The following MYL12A variants were observed in gnomAD, a reference collection of about 807,000 sequenced individuals.
MYL12A encodes myosin light chain 12A, also known as myosin regulatory light chain 12A.
MYL12A carries 11 observed loss-of-function variants against 13.3 expected under a neutral mutation model. That is an observed-to-expected ratio of 0.83 (90% CI 0.52 to 1.37). MYL12A has a LOEUF of 1.37. Ranked by LOEUF, MYL12A falls within the 40% of genes most tolerant of loss-of-function variation. The pLI is 0.00. For synonymous variants in MYL12A, 51 were observed against 69.9 expected (o/e 0.73, Z 1.35); for missense variants, 146 against 212.3 (o/e 0.69, Z 1.94).
rs2081493529 is a variant in MYL12A, at chr18:3,252,259, G to T, written c.-15-974G>T. On this transcript the variant is annotated intron_variant, in intron 1 of 3. Coordinates refer to ENST00000217652, the MANE Select transcript of MYL12A (RefSeq NM_006471.4). ...CCTGCTTGGAAGAATATAACTCAAT[G>T]CAGTGTCTTACTTTTGCTGCTGAGC... 18 of 1,334,288 alleles carry T rather than the reference G, an allele frequency of 1.3e-5. 1 individual carries two copies. The highest frequency in any genetic ancestry group is 1.7e-5 in the Non-Finnish European group (16 of 967,430). 82.7% of individuals were successfully genotyped at this position (1,334,288 alleles called of 1,614,324 possible).
At chr18:3,253,798 T>G in intron 2 of MYL12A, 91 bp from the exon 3 acceptor site, 9 of 1,354,054 alleles carry the variant, frequency 6.6e-6, no homozygotes, top group Non-Finnish European at 9.1e-6. Context: ...ACTGTATGAA[T>G]GATAATCTTT....
Position 3,255,893 on chromosome 18 carries a change from A to G in MYL12A, c.491A>G (p.His164Arg), listed in dbSNP as rs1304843873. The G allele has an allele frequency of 6.2e-7, 1 of 1,613,954 alleles. No individual in the cohort carries two copies. Among genetic ancestry groups the G allele is most frequent in the Non-Finnish European group, 8.5e-7 (1 of 1,179,984 alleles). Reference sequence around the variant, plus strand: ...ATCGAGTTCACACGCATCCTGAAACATGGAGCCAAAGACAAAGATGACTGA... The same window carrying G: ...ATCGAGTTCACACGCATCCTGAAACGTGGAGCCAAAGACAAAGATGACTGA... ...NYIEFTRILK[H>R]GAKDKDD The change falls in exon 4 of 4, where the codon CAT becomes CGT. Residue 164 changes from histidine (H) to arginine (R), a missense_variant. His to Arg is a conservative substitution (Grantham distance 29). Coordinates refer to ENST00000217652, the MANE Select transcript of MYL12A (RefSeq NM_006471.4).
chr18:3,248,845 T>C (rs1414016943), intron 1 of MYL12A, among the ~76,000 whole-genome samples: 1 of 152,150 alleles, frequency 6.6e-6, no homozygotes, highest in Non-Finnish European at 1.5e-5. Flanking sequence ...TGAAACTTGG[T>C]TTACTTGGAA....
At chr18:3,250,743 G>A (rs1188909661) in intron 1 of MYL12A, among the ~76,000 whole-genome samples, 1 of 152,086 alleles carries the variant, frequency 6.6e-6, no homozygotes, top group East Asian at 1.9e-4. Flanking sequence ...GATCCCACAC[G>A]GGGTTTTTCA....
chr18:3,252,209 T>G, intron 1 of MYL12A: 1 of 794,716 alleles, frequency 1.3e-6, no homozygotes, highest in Non-Finnish European at 1.9e-6. Context: ...CTGGTCAGAG[T>G]GAAATCAGTA....
chr18:3,250,155 A>G (rs1182589939), intron 1 of MYL12A, among the ~76,000 whole-genome samples: 2 of 152,212 alleles, frequency 1.3e-5, no homozygotes, highest in African/African-American at 4.8e-5. Flanking sequence ...GCACACCAAC[A>G]TGGCACATGT....
chr18:3,252,051 A>G (rs2081490970), intron 1 of MYL12A, among the ~76,000 whole-genome samples: 1 of 152,144 alleles, frequency 6.6e-6, no homozygotes, highest in Non-Finnish European at 1.5e-5. Context: ...CATCGGAAAC[A>G]CATTCTTAGG....
Position 3,255,846 on chromosome 18 carries a change from T to C in MYL12A, c.444T>C (p.Asp148=), listed in dbSNP as rs763541671. The C allele has an allele frequency of 1.5e-5, 24 of 1,613,946 alleles. No individual in the cohort carries two copies. The African/African-American group carries it at 2.5e-4, about 17-fold the overall frequency. ...AGCTGTACAGAGAAGCACCTATTGA[T>C]AAAAAGGGGAATTTCAATTACATCG... is the stretch of plus-strand genomic sequence containing the variant. The part of the protein sequence containing the change: ...VDELYREAPI[D]KKGNFNYIEF... The change falls in exon 4 of 4, where the codon GAT becomes GAC. Residue 148 remains aspartate, a synonymous_variant. Transcript: ENST00000217652.
chr18:3,253,619 C>CGTGTGTGT (rs112222176), intron 2 of MYL12A, 191 bp downstream of exon 2: 1 of 717,034 alleles, frequency 1.4e-6, no homozygotes, highest in Non-Finnish European at 2.2e-6. Flanking sequence ...GGTTGGGGTT[C>CGTGTGTGT]GTGTGTGTGT....
In MYL12A at chr18:3,255,983, G is replaced by T; in HGVS notation, c.*65G>T. 1 of 1,571,364 alleles carries T rather than the reference G, an allele frequency of 6.4e-7. No homozygotes were observed. Among genetic ancestry groups the T allele is most frequent in the East Asian group, 2.3e-5 (1 of 42,874 alleles). Reference sequence around the variant, plus strand: ...TTTGGGTATTCTGAGATTTTCTCTTGCATGCCCTTAGCTTTACAGCTTTTG... The same window carrying T: ...TTTGGGTATTCTGAGATTTTCTCTTTCATGCCCTTAGCTTTACAGCTTTTG... On this transcript the variant is annotated 3_prime_UTR_variant, in exon 4 of 4. Transcript: ENST00000217652.
At chr18:3,250,826 G>A (rs1289106555) in intron 1 of MYL12A, among the ~76,000 whole-genome samples, 1 of 152,052 alleles carries the variant, frequency 6.6e-6, no homozygotes, top group Non-Finnish European at 1.5e-5. Flanking sequence ...TGATAATTAT[G>A]TACCATGTTA....
chr18:3,253,789 C>CA (rs2081511098), intron 2 of MYL12A, 100 bp from the exon 3 acceptor site: 2 of 1,302,132 alleles, frequency 1.5e-6, no homozygotes, highest in African/African-American at 1.5e-5. Context: ...AAACAGTAAA[C>CA]TGTATGAATG....
rs112222176 is a variant in MYL12A, at chr18:3,253,619, C to CGT, written c.181+208_181+209dup. ...CCTGTCTTAGGATTGGGTTGGGGTT[C>CGT]GTGTGTGTGTGTGTGTGTATAAAAA... On this transcript the variant is annotated intron_variant, in intron 2 of 3. Coordinates refer to ENST00000217652, the MANE Select transcript of MYL12A (RefSeq NM_006471.4). 197 of 727,034 alleles carry CGT rather than the reference C, an allele frequency of 2.7e-4. 1 individual carries two copies. Among genetic ancestry groups the CGT allele is most frequent in the African/African-American group, 1.0e-3 (55 of 54,868 alleles). The allele number at this position is 727,034 out of a possible 1,614,324, so 45.0% of individuals were successfully genotyped here. A position where few individuals can be genotyped will look rare whatever the true frequency, so the allele number is the denominator to read the frequency against.
chr18:3,256,166 CAAT>C lies in MYL12A; in HGVS notation c.*250_*252del. 1 of 392,854 alleles carries C rather than the reference CAAT, an allele frequency of 2.5e-6. No homozygotes were observed. The highest frequency in any genetic ancestry group is 4.5e-6 in the Non-Finnish European group (1 of 223,990). The allele number at this position is 392,854 out of a possible 1,614,324, so 24.3% of individuals were successfully genotyped here. A position where few individuals can be genotyped will look rare whatever the true frequency, so the allele number is the denominator to read the frequency against. On this transcript the variant is annotated 3_prime_UTR_variant, in exon 4 of 4. Transcript: ENST00000217652. The stretch of plus-strand genomic sequence containing the variant: ...CCAATAACTGTGGTCTATACAGAGT[CAAT>C]ATATTTTTTCAGAGAAAGTTATTCG...
intron 1 of MYL12A, among the ~76,000 whole-genome samples, chr18:3,251,705 G>A (rs879579907): frequency 6.6e-6 from 1 of 151,298 alleles, no homozygotes; most frequent in Non-Finnish European, 1.5e-5. Flanking sequence ...GTTATAGAAT[G>A]AAAATATGCA....
chr18:3,247,551 G>C (rs754765214), upstream of MYL12A: 1 of 152,690 alleles, frequency 6.5e-6, no homozygotes, highest in African/African-American at 2.4e-5. Flanking sequence ...TCTGCGGAAA[G>C]GATAGGGGGG....
intron 3 of MYL12A, among the ~76,000 whole-genome samples, chr18:3,255,038 C>A (rs1385918477): frequency 1.3e-5 from 2 of 152,152 alleles, no homozygotes; most frequent in Non-Finnish European, 2.9e-5. Flanking sequence ...TTATGAGAAC[C>A]CTGGTATCAA....
upstream of MYL12A, chr18:3,247,613 A>G (rs1397920623): frequency 6.6e-6 from 1 of 152,538 alleles, no homozygotes; most frequent in Non-Finnish European, 1.5e-5. Flanking sequence ...AAACTCAGTA[A>G]CAGGACCCAG....
chr18:3,251,594 CTA>C (rs1353918722), intron 1 of MYL12A, among the ~76,000 whole-genome samples: 1 of 152,150 alleles, frequency 6.6e-6, no homozygotes, highest in African/African-American at 2.4e-5. Flanking sequence ...ATAATATATT[CTA>C]TATCTCTTTG....
Sources: allele counts gnomAD v4.1 joint callset (sites outside exome capture counted in the v4.1 genomes callset), GRCh38; gene constraint gnomAD v4.1.1; transcripts MANE v1.5; gene names NCBI Gene and HGNC (gene_info 2026-07-23, HGNC 2026-07-21).